CFTR: variants seen among roughly 807,000 people sequenced by gnomAD.
The protein encoded by CFTR is cystic fibrosis transmembrane conductance regulator.
A neutral mutation model predicts 171.6 loss-of-function variants in CFTR; 181 were observed. The ratio of observed to expected loss-of-function variants is 1.05; its 90% CI spans 0.93 to 1.19. CFTR has a LOEUF of 1.19. Ranked by LOEUF, CFTR falls within the 50% of genes most tolerant of loss-of-function variation. CFTR has a pLI of 0.00. For missense variants in CFTR, 1,968 were observed against 1,734.7 expected (o/e 1.13, Z -2.39); for synonymous variants, 583 against 608.0 (o/e 0.96, Z 0.60).
intron 24 of CFTR, among the ~76,000 whole-genome samples, chr7:117,660,476 C>G (rs959410461): frequency 6.6e-6 from 1 of 151,774 alleles, no homozygotes; most frequent in Non-Finnish European, 1.5e-5. Flanking sequence ...CACTAAAATA[C>G]AAAAATTAGC....
intron 11 of CFTR, chr7:117,586,356 C>T (rs1402206529): frequency 1.3e-5 from 2 of 152,084 alleles, no homozygotes; most frequent in African/African-American, 2.4e-5. Context: ...CCTAAGTAGC[C>T]GAGTCCACTG....
At chr7:117,521,500 CAT>C (rs1334326892) in intron 3 of CFTR, among the ~76,000 whole-genome samples, 8 of 151,978 alleles carry the variant, frequency 5.3e-5, no homozygotes, top group Non-Finnish European at 8.8e-5. Flanking sequence ...TTATTGGAAA[CAT>C]ATTGAAATTT....
intron 13 of CFTR, among the ~76,000 whole-genome samples, chr7:117,591,554 C>T (rs1034225234): frequency 3.3e-5 from 5 of 152,054 alleles, no homozygotes; most frequent in African/African-American, 9.7e-5. Flanking sequence ...AAAGCTCTGA[C>T]ATTTAAAAGA....
At chr7:117,622,147 G>C (rs896661207) in intron 21 of CFTR, among the ~76,000 whole-genome samples, 38 of 152,194 alleles carry the variant, frequency 2.5e-4, no homozygotes, top group African/African-American at 9.2e-4. Context: ...TAAAGGGCTA[G>C]GTTTATAGTA....
chr7:117,601,449 C>A (rs1792223509), intron 15 of CFTR, among the ~76,000 whole-genome samples: 1 of 152,000 alleles, frequency 6.6e-6, no homozygotes, highest in South Asian at 2.1e-4. Context: ...TTAACTAAAA[C>A]TTATATACCT....
intron 21 of CFTR, among the ~76,000 whole-genome samples, chr7:117,618,918 G>A (rs1314541310): frequency 6.6e-6 from 1 of 152,066 alleles, no homozygotes; most frequent in East Asian, 1.9e-4. Context: ...CATGTTAGGG[G>A]ATTTCCAGTT....
At chr7:117,509,771 ACT>A (rs1445384250) in intron 3 of CFTR, among the ~76,000 whole-genome samples, 1 of 151,880 alleles carries the variant, frequency 6.6e-6, no homozygotes, top group Non-Finnish European at 1.5e-5. Flanking sequence ...GTCCAATGTG[ACT>A]CTGATTTATT....
At chr7:117,597,517 T>C (rs1032878061) in intron 15 of CFTR, among the ~76,000 whole-genome samples, 9 of 152,140 alleles carry the variant, frequency 5.9e-5, no homozygotes, top group Non-Finnish European at 1.3e-4. Flanking sequence ...AAGAAAAAAG[T>C]CCATGCGTAA....
chr7:117,572,358 A>G (rs1223303170), intron 11 of CFTR, among the ~76,000 whole-genome samples: 3 of 152,108 alleles, frequency 2.0e-5, no homozygotes, highest in African/African-American at 4.8e-5. Flanking sequence ...TCTAGTGGTG[A>G]TTAATCTTTA....
rs985372953 is a variant in CFTR at position 117,529,211 on chromosome 7, T to C, written c.274-1688T>C. Among the ~76,000 whole-genome samples the C allele has an allele frequency of 3.7e-3, 350 of 95,324 alleles. 13 individuals carry two copies. Among genetic ancestry groups the C allele is most frequent in the Non-Finnish European group, 4.0e-3 (221 of 54,596 alleles). The allele number at this position is 95,324 out of a possible 152,430, so 62.5% of individuals were successfully genotyped here. A position where few individuals can be genotyped will look rare whatever the true frequency, so the allele number is the denominator to read the frequency against. ...ATAAAAAATGATGAGTTCATGTCCTTTGTAGAGACATGGATGAAATTGGAA... is the reference window on the plus strand; with the variant it reads ...ATAAAAAATGATGAGTTCATGTCCTCTGTAGAGACATGGATGAAATTGGAA... On this transcript the variant is annotated intron_variant, in intron 3 of 26. Transcript: ENST00000003084.
chr7:117,497,858 C>A (rs960147467), intron 1 of CFTR, among the ~76,000 whole-genome samples: 1 of 152,028 alleles, frequency 6.6e-6, no homozygotes, highest in African/African-American at 2.4e-5. Context: ...ATTACACATA[C>A]CTTTTCTTTA....
At chr7:117,586,075 G>T (rs573063854) in intron 11 of CFTR, 28 of 152,310 alleles carry the variant, frequency 1.8e-4, no homozygotes, top group African/African-American at 6.7e-4. Flanking sequence ...AGGAGCACTT[G>T]CATGAACACC....
At position 117,665,564 on chromosome 7, in the gene CFTR, G is replaced by A; in HGVS notation, c.4242G>A (p.Leu1414=). ...IEAMLECQQF[L]VIEENKVRQY... ...CAATGCTGGAATGCCAACAATTTTTGGTGAGTCTTTATAACTTTACTTAAG... is the reference window on the plus strand; with the variant it reads ...CAATGCTGGAATGCCAACAATTTTTAGTGAGTCTTTATAACTTTACTTAAG... The change falls in exon 26 of 27, where the codon TTG becomes TTA. Residue 1414 remains leucine (L), a splice_region_variant and synonymous_variant. Coordinates refer to ENST00000003084, the MANE Select transcript of CFTR (RefSeq NM_000492.4). 2.5e-6 allele frequency: 4 copies of A among 1,592,340 alleles called. No homozygotes were observed. Among genetic ancestry groups the A allele is most frequent in the Non-Finnish European group, 3.4e-6 (4 of 1,160,484 alleles).
At chr7:117,506,337 C>T (rs35802750) in intron 2 of CFTR, among the ~76,000 whole-genome samples, 2,241 of 152,238 alleles carry the variant, frequency 0.015, 55 homozygotes, top group African/African-American at 0.051. Flanking sequence ...AACTTCGTCT[C>T]CTGGGTTCAA....
rs1793382601 is a variant in CFTR, at chr7:117,666,796, T to G, written c.4243-112T>G. 26 of 883,768 alleles carry G rather than the reference T, an allele frequency of 2.9e-5. No homozygotes were observed. The South Asian group carries it at 3.2e-4, about 11-fold the overall frequency. 54.7% of individuals were successfully genotyped at this position (883,768 alleles called of 1,614,324 possible). ...CCTGATTGTTCAAAATGCAAGGCTC[T>G]GGACATTGCATTCTTTGACTTTTAT... On this transcript the variant is annotated intron_variant, in intron 26 of 26. Coordinates refer to ENST00000003084, the MANE Select transcript of CFTR (RefSeq NM_000492.4).
chr7:117,493,382 G>T (rs745894596), intron 1 of CFTR, among the ~76,000 whole-genome samples: 3 of 152,052 alleles, frequency 2.0e-5, no homozygotes, highest in Non-Finnish European at 4.4e-5. Context: ...TAAATATTAA[G>T]TAAAAGGGAT....
At chr7:117,637,838 C>G (rs950805820) in intron 22 of CFTR, among the ~76,000 whole-genome samples, 9 of 152,020 alleles carry the variant, frequency 5.9e-5, no homozygotes, top group Non-Finnish European at 1.2e-4. Flanking sequence ...GATTGTGCCA[C>G]TGCAGTCTAG....
intron 24 of CFTR, among the ~76,000 whole-genome samples, chr7:117,655,237 A>G (rs1453715094): frequency 6.6e-6 from 1 of 152,180 alleles, no homozygotes; most frequent in Non-Finnish European, 1.5e-5. Context: ...GAATTTTACT[A>G]TGAGCAGTCA....
chr7:117,641,975 A>T (rs762638834), intron 22 of CFTR, among the ~76,000 whole-genome samples: 2 of 152,166 alleles, frequency 1.3e-5, no homozygotes, highest in Non-Finnish European at 2.9e-5. Context: ...AACTTCACCA[A>T]ATTAATTTAT....
Sources: gnomAD v4.1 joint callset for allele counts (sites outside exome capture counted in the v4.1 genomes callset) on GRCh38, gnomAD v4.1.1 for gene constraint, MANE v1.5 for transcripts, NCBI Gene and HGNC (gene_info 2026-07-23, HGNC 2026-07-21) for gene names.